Variants in SMAD3 observed in about 807,000 individuals in gnomAD.
SMAD3 encodes SMAD family member 3, also known as MAD homolog 3.
Under a neutral mutation model 51.8 loss-of-function variants are expected in SMAD3, and 12 were observed. The ratio of observed to expected loss-of-function variants is 0.23; its 90% CI spans 0.15 to 0.38. SMAD3 has a LOEUF of 0.38. Among genes scored for constraint, SMAD3 ranks in the 10% least tolerant of loss-of-function variants. SMAD3 has a pLI of 1.00. For synonymous variants in SMAD3, 238 were observed against 227.7 expected (o/e 1.05, Z -0.41); for missense variants, 294 against 565.6 (o/e 0.52, Z 4.87).
intron 1 of SMAD3, among the ~76,000 whole-genome samples, chr15:67,134,158 C>G (rs1961595566): frequency 6.6e-6 from 1 of 152,078 alleles, no homozygotes; most frequent in Non-Finnish European, 1.5e-5. Context: ...TTTCTCCCTT[C>G]CCTTAAGAAA....
intron 1 of SMAD3, among the ~76,000 whole-genome samples, chr15:67,070,782 A>G (rs1960034652): frequency 1.3e-5 from 2 of 151,846 alleles, no homozygotes; most frequent in Admixed American, 1.3e-4. Flanking sequence ...TTCTGAAAAA[A>G]ACACAAAATT....
intron 1 of SMAD3, among the ~76,000 whole-genome samples, chr15:67,137,300 A>G (rs1433348042): frequency 6.6e-6 from 1 of 152,220 alleles, no homozygotes; most frequent in Non-Finnish European, 1.5e-5. Flanking sequence ...ATTTAGTACC[A>G]CAGCCATTTT....
At chr15:67,077,019 G>T (rs2140200333) in intron 1 of SMAD3, among the ~76,000 whole-genome samples, 2 of 152,312 alleles carry the variant, frequency 1.3e-5, no homozygotes, top group Middle Eastern at 6.8e-3. Context: ...CTTGGGCTGG[G>T]TCTCTCTGAG....
At chr15:67,169,703 TC>T (rs1355265880) in intron 4 of SMAD3, among the ~76,000 whole-genome samples, 5 of 150,100 alleles carry the variant, frequency 3.3e-5, no homozygotes, top group African/African-American at 1.2e-4. Flanking sequence ...GCTCAAGTGA[TC>T]CCCCAGTCTC....
chr15:67,135,609 A>G (rs1186614302), intron 1 of SMAD3, among the ~76,000 whole-genome samples: 1 of 152,096 alleles, frequency 6.6e-6, no homozygotes, highest in African/African-American at 2.4e-5. Flanking sequence ...ACAAGTTAAT[A>G]CATTGCTGTG....
intron 7 of SMAD3, among the ~76,000 whole-genome samples, chr15:67,185,287 T>A (rs1209491951): frequency 6.6e-6 from 1 of 152,004 alleles, no homozygotes; most frequent in Middle Eastern, 3.2e-3. Flanking sequence ...GAGTTCAATA[T>A]AAGGGACGGG....
chr15:67,155,240 C>T lies in SMAD3; in HGVS notation c.207-9655C>T, dbSNP rs565219966. 2.8e-4 allele frequency among the ~76,000 whole-genome samples: 42 copies of T among 152,316 alleles called. 1 individual carries two copies. The highest frequency in any genetic ancestry group is 9.9e-4 in the African/African-American group (41 of 41,562). ...TGAACATTGGGCCTCTGTGGTTTGT[C>T]ACATACACCCAGGGGACTGGGCTCA... is the stretch of plus-strand genomic sequence containing the variant. On this transcript the variant is annotated intron_variant, in intron 1 of 8. Coordinates refer to ENST00000327367, the MANE Select transcript of SMAD3 (RefSeq NM_005902.4).
At chr15:67,161,897 C>G (rs35738694) in intron 1 of SMAD3, among the ~76,000 whole-genome samples, 29,631 of 152,084 alleles carry the variant, frequency 0.19, 3,600 homozygotes, top group Non-Finnish European at 0.29. Flanking sequence ...CTCCTTTACC[C>G]CAGGTCTTAT....
At chr15:67,131,003 C>T (rs1396841194) in intron 1 of SMAD3, among the ~76,000 whole-genome samples, 1 of 152,324 alleles carries the variant, frequency 6.6e-6, no homozygotes, top group African/African-American at 2.4e-5. Flanking sequence ...AGCCTTCAAG[C>T]AACTGAGACT....
At chr15:67,162,072 C>G (rs1205177318) in intron 1 of SMAD3, among the ~76,000 whole-genome samples, 2 of 152,190 alleles carry the variant, frequency 1.3e-5, no homozygotes, top group African/African-American at 4.8e-5. Flanking sequence ...GTCAGCAGCT[C>G]CAGGTCAGTT....
intron 1 of SMAD3, among the ~76,000 whole-genome samples, chr15:67,078,715 C>T (rs1408234925): frequency 1.3e-5 from 2 of 152,130 alleles, no homozygotes. Context: ...TGCTAGAAAC[C>T]TCTTAACTGA....
At chr15:67,099,480 A>G (rs559574715) in intron 1 of SMAD3, among the ~76,000 whole-genome samples, 1 of 152,250 alleles carries the variant, frequency 6.6e-6, no homozygotes, top group African/African-American at 2.4e-5. Context: ...ATGTGGCAAG[A>G]TTACTTGAAG....
At chr15:67,185,373 T>C (rs186041247) in intron 7 of SMAD3, among the ~76,000 whole-genome samples, 1 of 152,182 alleles carries the variant, frequency 6.6e-6, no homozygotes, top group Non-Finnish European at 1.5e-5. Flanking sequence ...GAAGTCTTCA[T>C]GGAGGAGAAA....
intron 1 of SMAD3, chr15:67,098,814 G>T (rs1167488568): frequency 4.3e-6 from 3 of 694,170 alleles, no homozygotes; most frequent in South Asian, 3.0e-5. Context: ...CCCAGCGGGG[G>T]TCTGAGGGCC....
At chr15:67,098,782 G>A (rs1189306326) in intron 1 of SMAD3, 3 of 665,956 alleles carry the variant, frequency 4.5e-6, no homozygotes, top group East Asian at 2.7e-5. Context: ...GGTGGAAGTG[G>A]GCATGGAGGG....
intron 1 of SMAD3, among the ~76,000 whole-genome samples, chr15:67,125,330 G>C (rs544121187): frequency 6.6e-6 from 1 of 152,352 alleles, no homozygotes; most frequent in Non-Finnish European, 1.5e-5. Context: ...CCTCTTTGAA[G>C]CGCTGTTGCC....
intron 1 of SMAD3, among the ~76,000 whole-genome samples, chr15:67,090,091 TG>T (rs1960478860): frequency 6.6e-6 from 1 of 151,884 alleles, no homozygotes; most frequent in Admixed American, 6.6e-5. Context: ...CCAGGCCGAG[TG>T]GAACACCACC....
intron 5 of SMAD3, among the ~76,000 whole-genome samples, chr15:67,177,422 G>GTTTTTTTTTTTTTTTTTT (rs68095915): frequency 0.01 from 977 of 93,798 alleles, 118 homozygotes; most frequent in African/African-American, 0.037. Flanking sequence ...AGTGTTTTGG[G>GTTTTTTTTTTTTTTTTTT]TTTTTTTTTT....
chr15:67,158,796 C>G (rs112292357), intron 1 of SMAD3, among the ~76,000 whole-genome samples: 1 of 152,152 alleles, frequency 6.6e-6, no homozygotes, highest in East Asian at 1.9e-4. Context: ...TCACTGTGAC[C>G]CTCCTGACTG....
Sources: allele counts gnomAD v4.1 joint callset (sites outside exome capture counted in the v4.1 genomes callset), GRCh38; gene constraint gnomAD v4.1.1; transcripts MANE v1.5; gene names NCBI Gene and HGNC (gene_info 2026-07-23, HGNC 2026-07-21).